Variants in SLC4A10 observed in about 807,000 individuals in gnomAD.
SLC4A10 encodes the protein solute carrier family 4 member 10, also known as sodium-driven chloride bicarbonate exchanger.
SLC4A10 carries 42 observed loss-of-function variants against 137.7 expected under a neutral mutation model. That is an observed-to-expected ratio of 0.30 (90% confidence interval 0.24 to 0.39). The LOEUF (loss-of-function observed/expected upper bound fraction) is 0.39. Ranked by LOEUF, SLC4A10 falls within the 10% of genes least tolerant of loss-of-function variation. SLC4A10 has a pLI of 1.00. For missense variants in SLC4A10, 925 were observed against 1,355.0 expected, an observed-to-expected ratio of 0.68 and a Z score of 4.98; for synonymous variants, 474 against 464.1, an observed-to-expected ratio of 1.02 and a Z score of -0.27.
intron 1 of SLC4A10, among the ~76,000 whole-genome samples, chr2:161,750,876 A>G (rs1274652330): frequency 6.6e-6 from 1 of 151,774 alleles, no homozygotes; most frequent in African/African-American, 2.4e-5. Flanking sequence ...AACATATGCT[A>G]TATATACTTA....
chr2:161,752,069 G>A (rs925998530), intron 1 of SLC4A10, among the ~76,000 whole-genome samples: 1 of 151,886 alleles, frequency 6.6e-6, no homozygotes, highest in Non-Finnish European at 1.5e-5. Context: ...TAAAGAAATG[G>A]AGGGTTGGGT....
At chr2:161,973,638 T>C (rs961869760) in intron 23 of SLC4A10, among the ~76,000 whole-genome samples, 3 of 152,174 alleles carry the variant, frequency 2.0e-5, no homozygotes, top group African/African-American at 7.2e-5. Context: ...AAGATATTAA[T>C]ATCTTCTACT....
At chr2:161,631,477 C>T (rs1382152435) in intron 1 of SLC4A10, among the ~76,000 whole-genome samples, 1 of 151,512 alleles carries the variant, frequency 6.6e-6, no homozygotes, top group African/African-American at 2.4e-5. Flanking sequence ...AAATTCTTTA[C>T]CACAAATTTG....
intron 2 of SLC4A10, among the ~76,000 whole-genome samples, chr2:161,794,958 T>A (rs1331147262): frequency 6.6e-6 from 1 of 151,548 alleles, no homozygotes; most frequent in Non-Finnish European, 1.5e-5. Context: ...ATCAAAAGTG[T>A]CCTGCAAAAA....
intron 23 of SLC4A10, among the ~76,000 whole-genome samples, chr2:161,966,970 G>A (rs902293029): frequency 6.6e-6 from 1 of 152,052 alleles, no homozygotes; most frequent in Admixed American, 6.6e-5. Flanking sequence ...CACCCAAGAA[G>A]GTTTAAATTA....
At chr2:161,975,592 A>G (rs1268915427) in intron 24 of SLC4A10, among the ~76,000 whole-genome samples, 2 of 152,188 alleles carry the variant, frequency 1.3e-5, no homozygotes, top group African/African-American at 4.8e-5. Context: ...TAGGAAGACC[A>G]AAACAGCTGG....
In SLC4A10 at chr2:161,805,344, C is replaced by A. The variant is rs949090388; in HGVS notation, c.277+749C>A. On this transcript the variant is annotated intron_variant, in intron 3 of 26. Coordinates refer to ENST00000446997, the MANE Select transcript of SLC4A10 (RefSeq NM_001178015.2). ...CCATATCGTTCCACCCTTGGGCCCTCCCAAATCTCATGTCCTCACATTTCA... is the reference window on the plus strand; with the variant it reads ...CCATATCGTTCCACCCTTGGGCCCTACCAAATCTCATGTCCTCACATTTCA... 1.2e-4 allele frequency among the ~76,000 whole-genome samples: 19 copies of A among 152,168 alleles called. 1 individual carries two copies. The highest frequency in any genetic ancestry group is 1.1e-3 in the Admixed American group (17 of 15,274).
intron 1 of SLC4A10, among the ~76,000 whole-genome samples, chr2:161,721,773 AG>A (rs2045706048): frequency 6.6e-6 from 1 of 152,216 alleles, no homozygotes; most frequent in Non-Finnish European, 1.5e-5. Context: ...GATATCCTGA[AG>A]TATGTTTTCC....
chr2:161,704,107 C>T (rs930385608), intron 1 of SLC4A10, among the ~76,000 whole-genome samples: 3 of 151,514 alleles, frequency 2.0e-5, no homozygotes, highest in African/African-American at 7.3e-5. Context: ...TTTCTATTGT[C>T]CTGCTGTTAG....
chr2:161,704,853 C>T (rs1280334400), intron 1 of SLC4A10, among the ~76,000 whole-genome samples: 1 of 151,562 alleles, frequency 6.6e-6, no homozygotes, highest in African/African-American at 2.4e-5. Flanking sequence ...TAGCACTAAA[C>T]ATCTTTGAGC....
At chr2:161,837,701 G>T (rs1284406277) in intron 3 of SLC4A10, among the ~76,000 whole-genome samples, 2 of 152,136 alleles carry the variant, frequency 1.3e-5, no homozygotes, top group East Asian at 1.9e-4. Flanking sequence ...TTACTCTAAA[G>T]CTATAGTAAT....
At chr2:161,894,182 G>A (rs922281442) in intron 10 of SLC4A10, among the ~76,000 whole-genome samples, 2 of 151,944 alleles carry the variant, frequency 1.3e-5, no homozygotes, top group African/African-American at 4.8e-5. Flanking sequence ...ATCCCTCAAA[G>A]ATACTGAGGA....
chr2:161,675,157 G>T (rs936376201), intron 1 of SLC4A10, among the ~76,000 whole-genome samples: 1 of 152,182 alleles, frequency 6.6e-6, no homozygotes, highest in Admixed American at 6.6e-5. Flanking sequence ...GGTCCTTAAA[G>T]CCAGAGCTTG....
chr2:161,685,798 A>G (rs1233092083), intron 1 of SLC4A10, among the ~76,000 whole-genome samples: 1 of 152,170 alleles, frequency 6.6e-6, no homozygotes, highest in Admixed American at 6.6e-5. Flanking sequence ...TATTCCTGAT[A>G]GCTGTATCAT....
chr2:161,816,922 T>C, intron 3 of SLC4A10, among the ~76,000 whole-genome samples: 1 of 152,072 alleles, frequency 6.6e-6, no homozygotes, highest in African/African-American at 2.4e-5. Context: ...CTATTCTGAA[T>C]AGTGCCGCAA....
intron 8 of SLC4A10, among the ~76,000 whole-genome samples, chr2:161,878,902 T>C (rs565018494): frequency 1.0e-3 from 153 of 152,156 alleles, no homozygotes; most frequent in African/African-American, 3.6e-3. Flanking sequence ...CTTTTAAAAA[T>C]AATAAATAGA....
At chr2:161,815,376 C>T (rs1371341881) in intron 3 of SLC4A10, among the ~76,000 whole-genome samples, 1 of 152,124 alleles carries the variant, frequency 6.6e-6, no homozygotes, top group Non-Finnish European at 1.5e-5. Context: ...TCTTTGCTCG[C>T]TCGCTCTTCT....
At chr2:161,877,364 C>T (rs1214760079) in intron 8 of SLC4A10, among the ~76,000 whole-genome samples, 1 of 151,700 alleles carries the variant, frequency 6.6e-6, no homozygotes, top group Non-Finnish European at 1.5e-5. Flanking sequence ...ATTGTTCTTT[C>T]CATTGAGAGA....
chr2:161,828,767 C>CATATATATATATATATATATAT (rs58808663), intron 3 of SLC4A10, among the ~76,000 whole-genome samples: 1 of 42,090 alleles, frequency 2.4e-5, no homozygotes, highest in African/African-American at 7.2e-5. Flanking sequence ...AATTCTAATT[C>CATATATATATATATATATATAT]ATATATATAT....
Sources: gnomAD v4.1 joint callset for allele counts (sites outside exome capture counted in the v4.1 genomes callset) on GRCh38, gnomAD v4.1.1 for gene constraint, MANE v1.5 for transcripts, NCBI Gene and HGNC (gene_info 2026-07-23, HGNC 2026-07-21) for gene names.